ZFYVE28: variants seen among roughly 807,000 people sequenced by gnomAD.
ZFYVE28 encodes zinc finger FYVE-type containing 28.
ZFYVE28 carries 40 observed loss-of-function variants against 82.1 expected under a neutral mutation model. That is an observed-to-expected ratio of 0.49 (90% CI 0.38 to 0.63). ZFYVE28 has a LOEUF of 0.63. ZFYVE28 is among the 30% of genes least tolerant of loss of function. The probability of loss-of-function intolerance (pLI) is 0.00; values close to 1 mark genes in which losing one functional copy is unlikely to be tolerated. For missense variants in ZFYVE28, 1,321 were observed against 1,242.1 expected (o/e 1.06, Z -0.96); for synonymous variants, 612 against 546.1 (o/e 1.12, Z -1.68).
chr4:2,298,872 C>T (rs2108817071), intron 8 of ZFYVE28, among the ~76,000 whole-genome samples: 1 of 152,266 alleles, frequency 6.6e-6, no homozygotes, highest in Middle Eastern at 3.4e-3. Flanking sequence ...CAGCCTCCTC[C>T]CGACTAGTCA....
chr4:2,360,534 T>A (rs60525884), intron 1 of ZFYVE28, among the ~76,000 whole-genome samples: 2,287 of 152,150 alleles, frequency 0.015, 55 homozygotes, highest in African/African-American at 0.052. Flanking sequence ...AGAGGCCAAG[T>A]TTCCCACATG....
intron 7 of ZFYVE28, among the ~76,000 whole-genome samples, chr4:2,317,815 T>C (rs567350133): frequency 6.4e-4 from 97 of 152,238 alleles, no homozygotes; most frequent in Admixed American, 5.0e-3. Flanking sequence ...ATATTTTTAG[T>C]AGAGACAGGG....
chr4:2,388,382 G>C (rs958314245), intron 1 of ZFYVE28, among the ~76,000 whole-genome samples: 1 of 152,136 alleles, frequency 6.6e-6, no homozygotes, highest in African/African-American at 2.4e-5. Context: ...AAAGGAAAAA[G>C]GTCATGGACT....
chr4:2,335,284 C>A lies in ZFYVE28; in HGVS notation c.701+421G>T, dbSNP rs778447807. Among the ~76,000 whole-genome samples the A allele has an allele frequency of 6.6e-6, 1 of 152,130 alleles. No homozygotes were observed. The highest frequency in any genetic ancestry group is 2.4e-5 in the African/African-American group (1 of 41,436). On this transcript the variant is annotated intron_variant, in intron 6 of 12. Coordinates refer to ENST00000290974, the MANE Select transcript of ZFYVE28 (RefSeq NM_020972.3). This position sits in a 1 kb window ranked among gnomAD's most constrained non-coding sequence, Gnocchi z 5.8. Reference sequence around the variant, plus strand: ...ATTATTCAAACAAGCCAATCACAGCCTCCTGAGGGACCCGGGGGGCAGCTC... The same window carrying A: ...ATTATTCAAACAAGCCAATCACAGCATCCTGAGGGACCCGGGGGGCAGCTC...
intron 2 of ZFYVE28, among the ~76,000 whole-genome samples, chr4:2,351,914 A>G (rs1299332330): frequency 1.3e-5 from 2 of 152,160 alleles, no homozygotes; most frequent in East Asian, 3.8e-4. Context: ...ATTGACATGT[A>G]ATAGCAATAC....
chr4:2,280,550 G>A (rs892070960), intron 8 of ZFYVE28, among the ~76,000 whole-genome samples: 1 of 152,146 alleles, frequency 6.6e-6, no homozygotes. Flanking sequence ...AATTAGAGAT[G>A]TCATATGTAC....
intron 1 of ZFYVE28, among the ~76,000 whole-genome samples, chr4:2,398,040 G>GT (rs1420038496): frequency 2.0e-5 from 3 of 150,842 alleles, no homozygotes; most frequent in Non-Finnish European, 4.4e-5. Flanking sequence ...GATGGGAGGG[G>GT]GGGTCCTGGC....
At chr4:2,345,618 G>GA (rs1251800592) in intron 2 of ZFYVE28, among the ~76,000 whole-genome samples, 4 of 151,238 alleles carry the variant, frequency 2.6e-5, no homozygotes, top group Admixed American at 6.6e-5. Flanking sequence ...GAATGAGATA[G>GA]AAAAAAATAT....
At chr4:2,336,057 G>A (rs1052054395) in intron 5 of ZFYVE28, among the ~76,000 whole-genome samples, 17 of 152,330 alleles carry the variant, frequency 1.1e-4, no homozygotes, top group African/African-American at 2.9e-4. Context: ...TCTGCCCCAG[G>A]AGGCAGGGGC....
At chr4:2,358,291 G>A (rs535319629) in intron 1 of ZFYVE28, among the ~76,000 whole-genome samples, 1 of 152,342 alleles carries the variant, frequency 6.6e-6, no homozygotes, top group African/African-American at 2.4e-5. Flanking sequence ...GCATGGATGT[G>A]CATGCGTGTG....
chr4:2,369,916 T>A (rs1176083989), intron 1 of ZFYVE28, among the ~76,000 whole-genome samples: 1 of 147,454 alleles, frequency 6.8e-6, no homozygotes, highest in Non-Finnish European at 1.5e-5. Context: ...AGTGGCGTGA[T>A]CTCGGCTCAC....
At chr4:2,378,695 T>C (rs146663131) in intron 1 of ZFYVE28, among the ~76,000 whole-genome samples, 93 of 152,310 alleles carry the variant, frequency 6.1e-4, no homozygotes, top group African/African-American at 2.0e-3. Flanking sequence ...TGTACTGCTT[T>C]CCTGGATTGA....
chr4:2,284,327 T>A (rs1245375531), intron 8 of ZFYVE28, among the ~76,000 whole-genome samples: 1 of 152,096 alleles, frequency 6.6e-6, no homozygotes, highest in Non-Finnish European at 1.5e-5. Flanking sequence ...CCCCACATGA[T>A]CCTCCAACCT....
intron 8 of ZFYVE28, among the ~76,000 whole-genome samples, chr4:2,274,851 C>T (rs1466853183): frequency 7.3e-6 from 1 of 137,498 alleles, no homozygotes; most frequent in Non-Finnish European, 1.5e-5. Context: ...CCAAGGAACA[C>T]CTGGAGTCCC....
chr4:2,274,706 G>C lies in ZFYVE28; in HGVS notation c.2052-490C>G, dbSNP rs1285276926. Among the ~76,000 whole-genome samples the C allele has an allele frequency of 1.4e-4, 22 of 152,242 alleles. 1 individual carries two copies. Among genetic ancestry groups the C allele is most frequent in the Non-Finnish European group, 3.2e-4 (22 of 68,050 alleles). On this transcript the variant is annotated intron_variant, in intron 8 of 12. Transcript: ENST00000290974. ...TAAGTGAAGCATCTGGAGATGAAGAGATTGCCCTGAATGATCCGGACAGGT... is the reference window on the plus strand; with the variant it reads ...TAAGTGAAGCATCTGGAGATGAAGACATTGCCCTGAATGATCCGGACAGGT...
intron 6 of ZFYVE28, among the ~76,000 whole-genome samples, chr4:2,328,275 T>C (rs1205949356): frequency 6.6e-6 from 1 of 152,188 alleles, no homozygotes; most frequent in Non-Finnish European, 1.5e-5. Context: ...TTTTAGAACA[T>C]TATGCTAAGT....
chr4:2,275,993 G>A (rs1736399320), intron 8 of ZFYVE28, among the ~76,000 whole-genome samples: 1 of 152,208 alleles, frequency 6.6e-6, no homozygotes, highest in African/African-American at 2.4e-5. Flanking sequence ...CAACGCGCAC[G>A]AATCCCACGT....
intron 1 of ZFYVE28, among the ~76,000 whole-genome samples, chr4:2,377,241 T>C (rs1728254204): frequency 6.6e-6 from 1 of 152,178 alleles, no homozygotes; most frequent in Admixed American, 6.5e-5. Context: ...CAGGATGGTC[T>C]CGATCTCCTG....
rs114467899 is a variant in ZFYVE28 at position 2,304,969 on chromosome 4, G to C, written c.1371C>G (p.Asp457Glu). 4 of 1,612,728 alleles carry C rather than the reference G, an allele frequency of 2.5e-6. No homozygotes were observed. Among genetic ancestry groups the C allele is most frequent in the East Asian group, 4.5e-5 (2 of 44,870 alleles). ...CGGCCTCGAGATTGTTGTTGCTCAA[G>C]TCCTCCTCCTTTTCCGAGGCGGGCA... is the stretch of plus-strand genomic sequence containing the variant. ...ISLPASEKEE[D>E]LSNNNLEAEG... is the part of the protein sequence containing the mutation. Residue 457 changes from aspartate to glutamate, a missense_variant, in exon 8 of 13, where the codon GAC (aspartate) becomes GAG (glutamate). By Grantham distance (45) the Asp-to-Glu change is conservative. This residue lies in a region of ZFYVE28 where 978 missense variants were observed against 833.7 expected (regional missense o/e 1.17). Transcript: ENST00000290974.
Sources: gnomAD v4.1 joint callset for allele counts (sites outside exome capture counted in the v4.1 genomes callset) on GRCh38, gnomAD v4.1.1 for gene constraint, gnomAD v4.1.1 regional missense constraint, Gnocchi (gnomAD v3.1) non-coding constraint, MANE v1.5 for transcripts, NCBI Gene and HGNC (gene_info 2026-07-23, HGNC 2026-07-21) for gene names.